The following FBXO10 variants were observed in gnomAD, a reference collection of about 807,000 sequenced individuals.
FBXO10 encodes F-box only protein 10.
FBXO10 carries 39 observed loss-of-function variants against 80.7 expected under a neutral mutation model. That is an observed-to-expected ratio of 0.48 (90% CI 0.37 to 0.63). The LOEUF is 0.63. Among genes scored for constraint, FBXO10 ranks in the 30% least tolerant of loss-of-function variants. The probability of loss-of-function intolerance (pLI) is 0.00; values close to 1 mark genes in which losing one functional copy is unlikely to be tolerated. For synonymous variants in FBXO10, 449 were observed against 489.6 expected, an observed-to-expected ratio of 0.92 and a Z score of 1.09; for missense variants, 1,025 against 1,269.0, an observed-to-expected ratio of 0.81 and a Z score of 2.92.
At chr9:37,523,432 T>C (rs1411682515) in intron 6 of FBXO10, among the ~76,000 whole-genome samples, 4 of 151,972 alleles carry the variant, frequency 2.6e-5, no homozygotes, top group African/African-American at 9.7e-5. Flanking sequence ...TGCGTGCCTG[T>C]AGTCCCAGCT....
At chr9:37,520,857 G>A (rs1415410322) in intron 8 of FBXO10, among the ~76,000 whole-genome samples, 2 of 152,184 alleles carry the variant, frequency 1.3e-5, no homozygotes, top group Non-Finnish European at 2.9e-5. Context: ...AGGGACAGGG[G>A]CACTGAGCTG....
intron 1 of FBXO10, among the ~76,000 whole-genome samples, chr9:37,545,175 C>CTTTTTTTT (rs397893928): frequency 3.5e-5 from 3 of 85,632 alleles, no homozygotes; most frequent in African/African-American, 4.9e-5. Flanking sequence ...CATTCTCAGG[C>CTTTTTTTT]TTTTTTTTTT....
chr9:37,520,472 G>A (rs1190978510), intron 8 of FBXO10, among the ~76,000 whole-genome samples: 4 of 150,234 alleles, frequency 2.7e-5, no homozygotes, highest in Non-Finnish European at 5.9e-5. Flanking sequence ...GGGACCACAG[G>A]CACATGCCAC....
At position 37,522,882 on chromosome 9, in the gene FBXO10, C is replaced by T. The variant is rs1281145665; in HGVS notation, c.1873G>A (p.Asp625Asn). The change falls in exon 7 of 11, where the codon GAT becomes AAT. Residue 625 changes from aspartate to asparagine, a missense_variant. Around this residue, in one of 3 missense-constraint regions of FBXO10, gnomAD observed 478 missense variants for 667.8 expected, o/e 0.72. Coordinates refer to ENST00000432825, the MANE Select transcript of FBXO10 (RefSeq NM_012166.3). ...CCTTCGTCTCCCACAACCACACCATCTGAATAGCCAAAGCAGATGAGGTTA... is the reference window on the plus strand; with the variant it reads ...CCTTCGTCTCCCACAACCACACCATTTGAATAGCCAAAGCAGATGAGGTTA... Reference protein sequence around the residue: ...RSNLICFGYSDGVVVGDEGKG... With the variant: ...RSNLICFGYSNGVVVGDEGKG... 3.2e-6 allele frequency: 5 copies of T among 1,560,240 alleles called. No homozygotes were observed. Among genetic ancestry groups the T allele is most frequent in the Non-Finnish European group, 4.3e-6 (5 of 1,152,080 alleles).
rs572872575 is a variant in FBXO10, at chr9:37,512,317, C to T, written c.*230G>A. The T allele has an allele frequency of 1.1e-4, 47 of 436,792 alleles. No homozygotes were observed. Among genetic ancestry groups the T allele is most frequent in the South Asian group, 6.9e-4 (14 of 20,152 alleles). The allele number at this position is 436,792 out of a possible 1,614,324, so 27.1% of individuals were successfully genotyped here. A position where few individuals can be genotyped will look rare whatever the true frequency, so the allele number is the denominator to read the frequency against. On this transcript the variant is annotated 3_prime_UTR_variant, in exon 11 of 11. Coordinates refer to ENST00000432825, the MANE Select transcript of FBXO10 (RefSeq NM_012166.3). ...CGCTCTTCACAATCTTTATAGACTTCGAGTGACTGGAAACCCACCAGCTTC... is the reference window on the plus strand; with the variant it reads ...CGCTCTTCACAATCTTTATAGACTTTGAGTGACTGGAAACCCACCAGCTTC...
chr9:37,557,474 A>G (rs1822366449), intron 1 of FBXO10, among the ~76,000 whole-genome samples: 1 of 152,308 alleles, frequency 6.6e-6, no homozygotes, highest in Admixed American at 6.5e-5. Flanking sequence ...AGTGGGGTAG[A>G]TGCAGTTCAG....
intron 3 of FBXO10, among the ~76,000 whole-genome samples, chr9:37,532,749 A>G (rs1030332086): frequency 2.0e-5 from 3 of 152,246 alleles, no homozygotes; most frequent in African/African-American, 7.2e-5. Flanking sequence ...AAGGACGCTT[A>G]GGGGAAGATG....
chr9:37,522,732 C>T, intron 7 of FBXO10, 93 bp downstream of exon 7: 1 of 1,423,540 alleles, frequency 7.0e-7, no homozygotes, highest in South Asian at 1.4e-5. Context: ...CTTTGAGGCA[C>T]AGGGAAAGGC....
At chr9:37,551,491 C>T (rs935459799) in intron 1 of FBXO10, among the ~76,000 whole-genome samples, 1 of 152,226 alleles carries the variant, frequency 6.6e-6, no homozygotes, top group Non-Finnish European at 1.5e-5. Context: ...GTTAGCCCCA[C>T]GGGGATAGCA....
chr9:37,547,350 G>A (rs1289807620), intron 1 of FBXO10, among the ~76,000 whole-genome samples: 1 of 152,194 alleles, frequency 6.6e-6, no homozygotes, highest in Non-Finnish European at 1.5e-5. Flanking sequence ...AGCACTTTGG[G>A]AGGTCCAGGT....
chr9:37,524,353 G>A (rs764317014), intron 6 of FBXO10, among the ~76,000 whole-genome samples: 6 of 152,066 alleles, frequency 3.9e-5, no homozygotes, highest in African/African-American at 1.2e-4. Flanking sequence ...TTATTTATTC[G>A]CTTCCTCTCC....
At chr9:37,523,209 C>T (rs991212440) in intron 6 of FBXO10, among the ~76,000 whole-genome samples, 2 of 8,038 alleles carry the variant, frequency 2.5e-4, no homozygotes, top group Non-Finnish European at 4.7e-4. Context: ...CCTATCTCCC[C>T]GGCACCTACT....
At chr9:37,524,431 C>A (rs1821418433) in intron 6 of FBXO10, among the ~76,000 whole-genome samples, 1 of 152,192 alleles carries the variant, frequency 6.6e-6, no homozygotes, top group Non-Finnish European at 1.5e-5. Flanking sequence ...GGCCTGTATA[C>A]CACACGTGCT....
At chr9:37,542,562 C>T (rs1821948984) in intron 1 of FBXO10, among the ~76,000 whole-genome samples, 1 of 146,110 alleles carries the variant, frequency 6.8e-6, no homozygotes, top group African/African-American at 2.6e-5. Context: ...TGCCATTGCG[C>T]TCCAGCATGG....
chr9:37,563,175 C>T (rs1382619993), intron 1 of FBXO10, among the ~76,000 whole-genome samples: 1 of 152,144 alleles, frequency 6.6e-6, no homozygotes, highest in Admixed American at 6.6e-5. Context: ...TCCTGCCACC[C>T]CGTGAAGAGG....
Position 37,529,123 on chromosome 9 carries a change from C to T in FBXO10, c.1706+1G>A, listed in dbSNP as rs1308290581. 6.2e-7 allele frequency: 1 copy of T among 1,613,982 alleles called. No homozygotes were observed. The highest frequency in any genetic ancestry group is 1.3e-5 in the African/African-American group (1 of 75,044). On this transcript the variant is annotated splice_donor_variant, in intron 5 of 10. Transcript: ENST00000432825. LOFTEE classifies it high-confidence loss of function. Reference sequence around the variant, plus strand: ...TGAAGGAGGGAAACAGCAGCACACACCTCACAACGGGGTTTCCGTGGTACA... The same window carrying T: ...TGAAGGAGGGAAACAGCAGCACACATCTCACAACGGGGTTTCCGTGGTACA...
rs750285377 is a variant in FBXO10, at chr9:37,537,433, C to T, written c.1096G>A (p.Asp366Asn). 1.1e-5 allele frequency: 17 copies of T among 1,601,442 alleles called. No homozygotes were observed. Among genetic ancestry groups the T allele is most frequent in the Non-Finnish European group, 1.4e-5 (17 of 1,173,798 alleles). The change falls in exon 3 of 11, where the codon GAT becomes AAT. Residue 366 changes from aspartate (D) to asparagine (N), a missense_variant. Physicochemically the swap from Asp to Asn is conservative, Grantham distance 23. Around this residue, in one of 3 missense-constraint regions of FBXO10, gnomAD observed 450 missense variants for 499.4 expected, o/e 0.90. Transcript: ENST00000432825. ...AGTCTGTACATCAGCTGGTCCTCAT[C>T]TTCATCCTCACCGCTGGGACTCAGG... The part of the protein sequence containing the change: ...GGLSPSGEDE[D>N]EDQLMYRLSY...
chr9:37,518,637 A>C (rs1821247270), intron 8 of FBXO10, among the ~76,000 whole-genome samples, 199 bp from the exon 9 acceptor site: 1 of 152,154 alleles, frequency 6.6e-6, no homozygotes, highest in African/African-American at 2.4e-5. Flanking sequence ...GCGTCAACAA[A>C]ACTCTGGTTC....
Position 37,524,588 on chromosome 9 carries a change from A to G in FBXO10, c.1777+514T>C, listed in dbSNP as rs536858419. On this transcript the variant is annotated intron_variant, in intron 6 of 10. Coordinates refer to ENST00000432825, the MANE Select transcript of FBXO10 (RefSeq NM_012166.3). ...TGACCCTCACCTTGTGGAATTTACCACTTTATAACAGAGGAGACGGACACC... is the reference window on the plus strand; with the variant it reads ...TGACCCTCACCTTGTGGAATTTACCGCTTTATAACAGAGGAGACGGACACC... Among the ~76,000 whole-genome samples, 10 of 152,270 alleles carry G rather than the reference A, an allele frequency of 6.6e-5. No individual in the cohort carries two copies. The East Asian group carries it at 1.7e-3, about 26-fold the overall frequency.
Sources: gnomAD v4.1 joint callset for allele counts (sites outside exome capture counted in the v4.1 genomes callset) on GRCh38, gnomAD v4.1.1 for gene constraint, gnomAD v4.1.1 regional missense constraint, MANE v1.5 for transcripts, NCBI Gene and HGNC (gene_info 2026-07-23, HGNC 2026-07-21) for gene names.